BBX: variants seen among roughly 807,000 people sequenced by gnomAD.
The protein encoded by BBX is BBX high mobility group box domain containing.
In BBX, 30 loss-of-function variants were observed where a neutral mutation model predicts 100.2. The observed-to-expected ratio is 0.30, with a 90% CI of 0.22 to 0.41. The LOEUF (loss-of-function observed/expected upper bound fraction) is 0.41. BBX is among the 10% of genes least tolerant of loss of function. The pLI, the probability that BBX is intolerant of heterozygous loss-of-function variation, is 1.00. For synonymous variants in BBX, 376 were observed against 388.1 expected, an observed-to-expected ratio of 0.97 and a Z score of 0.37; for missense variants, 1,023 against 1,129.8, an observed-to-expected ratio of 0.91 and a Z score of 1.35.
At chr3:107,713,909 C>A (rs1366539639) in intron 4 of BBX, among the ~76,000 whole-genome samples, 2 of 138,594 alleles carry the variant, frequency 1.4e-5, no homozygotes, top group Non-Finnish European at 3.2e-5. Flanking sequence ...CTGACACATT[C>A]TGATTTGTTT....
intron 2 of BBX, among the ~76,000 whole-genome samples, chr3:107,598,786 C>T (rs538317507): frequency 7.0e-4 from 106 of 152,272 alleles, no homozygotes; most frequent in Middle Eastern, 3.4e-3. Flanking sequence ...TCACCTCAAT[C>T]CTATTTAATA....
intron 2 of BBX, among the ~76,000 whole-genome samples, chr3:107,587,224 T>G (rs1034041293): frequency 1.1e-4 from 16 of 151,992 alleles, no homozygotes; most frequent in African/African-American, 3.9e-4. Context: ...CAATCCCAGC[T>G]ACTTTGCAGC....
chr3:107,576,944 T>G (rs1484842877), intron 2 of BBX, among the ~76,000 whole-genome samples: 1 of 152,176 alleles, frequency 6.6e-6, no homozygotes, highest in Non-Finnish European at 1.5e-5. Flanking sequence ...CACTGCAACC[T>G]CTGCCTCCTG....
At chr3:107,791,925 C>T (rs2069099128) in intron 15 of BBX, among the ~76,000 whole-genome samples, 1 of 152,108 alleles carries the variant, frequency 6.6e-6, no homozygotes. Context: ...TGCTTGAACC[C>T]GGGAGGCGGA....
chr3:107,653,685 A>G (rs2057976439), intron 3 of BBX, among the ~76,000 whole-genome samples: 1 of 152,114 alleles, frequency 6.6e-6, no homozygotes, highest in Non-Finnish European at 1.5e-5. Flanking sequence ...CCGTAAAGCA[A>G]TTTATTACCA....
At chr3:107,627,528 C>T (rs1329563087) in intron 2 of BBX, among the ~76,000 whole-genome samples, 1 of 152,096 alleles carries the variant, frequency 6.6e-6, no homozygotes, top group East Asian at 1.9e-4. Context: ...ACAATTTTGA[C>T]CCACAGTGAA....
chr3:107,726,441 C>G (rs1348264882), intron 5 of BBX, among the ~76,000 whole-genome samples: 1 of 140,978 alleles, frequency 7.1e-6, no homozygotes, highest in Non-Finnish European at 1.6e-5. Context: ...CTCTCACGTT[C>G]TTAACTCTTC....
intron 10 of BBX, among the ~76,000 whole-genome samples, chr3:107,763,288 G>C (rs112981728): frequency 6.7e-6 from 1 of 150,024 alleles, no homozygotes; most frequent in Non-Finnish European, 1.5e-5. Context: ...GCGGTGGCGC[G>C]ATCTCGGCTC....
intron 2 of BBX, among the ~76,000 whole-genome samples, chr3:107,531,053 G>A (rs1487439484): frequency 2.0e-5 from 3 of 152,188 alleles, no homozygotes; most frequent in Non-Finnish European, 4.4e-5. Context: ...ACATGTAGCA[G>A]GTGATTCTAA....
chr3:107,619,235 G>T (rs571956106), intron 2 of BBX, among the ~76,000 whole-genome samples: 1 of 151,916 alleles, frequency 6.6e-6, no homozygotes, highest in Non-Finnish European at 1.5e-5. Flanking sequence ...ATGATATACC[G>T]TTTTTCTTCT....
intron 3 of BBX, among the ~76,000 whole-genome samples, chr3:107,647,446 A>G (rs1053449962): frequency 7.2e-5 from 11 of 152,218 alleles, no homozygotes; most frequent in African/African-American, 2.7e-4. Flanking sequence ...TTATTGCAAT[A>G]GAGTGTTTTA....
At chr3:107,656,114 A>AGATGCAAAAT (rs2058126149) in intron 3 of BBX, among the ~76,000 whole-genome samples, 2 of 152,230 alleles carry the variant, frequency 1.3e-5, no homozygotes, top group African/African-American at 4.8e-5. Flanking sequence ...ACTTGAAAAG[A>AGATGCAAAAT]GATGCAAAAT....
chr3:107,667,193 C>T (rs941579137), intron 3 of BBX, among the ~76,000 whole-genome samples: 12 of 152,148 alleles, frequency 7.9e-5, no homozygotes, highest in African/African-American at 2.7e-4. Flanking sequence ...AAATTACTGA[C>T]ATGAAAACTT....
intron 8 of BBX, among the ~76,000 whole-genome samples, chr3:107,745,791 A>T (rs992115303): frequency 6.6e-6 from 1 of 152,152 alleles, no homozygotes; most frequent in Non-Finnish European, 1.5e-5. Context: ...TAAACATGTT[A>T]AATAAGATTG....
At chr3:107,788,599 A>G (rs924119453) in intron 13 of BBX, among the ~76,000 whole-genome samples, 2 of 151,604 alleles carry the variant, frequency 1.3e-5, no homozygotes, top group Non-Finnish European at 2.9e-5. Context: ...TGAAACCCCA[A>G]CTTTACAAAA....
chr3:107,583,204 T>A (rs907608430), intron 2 of BBX, among the ~76,000 whole-genome samples: 1 of 152,020 alleles, frequency 6.6e-6, no homozygotes, highest in East Asian at 1.9e-4. Context: ...AGTGTTTTTT[T>A]AAGGCTTATA....
intron 2 of BBX, among the ~76,000 whole-genome samples, chr3:107,605,480 A>G (rs1050351407): frequency 6.6e-6 from 1 of 152,148 alleles, no homozygotes; most frequent in Admixed American, 6.5e-5. Flanking sequence ...AAAGCAATAA[A>G]AAGAGGAGTA....
At chr3:107,779,411 T>A (rs1331212996) in intron 13 of BBX, among the ~76,000 whole-genome samples, 1 of 152,090 alleles carries the variant, frequency 6.6e-6, no homozygotes, top group Non-Finnish European at 1.5e-5. Flanking sequence ...GTACCTCTAG[T>A]TTTCCATACA....
At chr3:107,653,266 A>G (rs913335953) in intron 3 of BBX, among the ~76,000 whole-genome samples, 2 of 152,228 alleles carry the variant, frequency 1.3e-5, no homozygotes, top group Non-Finnish European at 2.9e-5. Context: ...TGTAGCTTAC[A>G]TTGAATCAGC....
Sources: allele counts gnomAD v4.1 joint callset (sites outside exome capture counted in the v4.1 genomes callset), GRCh38; gene constraint gnomAD v4.1.1; transcripts MANE v1.5; gene names NCBI Gene and HGNC (gene_info 2026-07-23, HGNC 2026-07-21).